The following USP35 variants were observed in gnomAD, a reference collection of about 807,000 sequenced individuals.
USP35 encodes the protein ubiquitin carboxyl-terminal hydrolase 35.
A neutral mutation model predicts 83.8 loss-of-function variants in USP35; 69 were observed. That is an observed-to-expected ratio of 0.82 (90% CI 0.68 to 1.01). The LOEUF is 1.01. Ranked by LOEUF, USP35 falls within the 50% of genes least tolerant of loss-of-function variation. USP35 has a pLI of 0.00. For synonymous variants in USP35, 714 were observed against 589.5 expected, an observed-to-expected ratio of 1.21 and a Z score of -3.06; for missense variants, 1,503 against 1,362.5, an observed-to-expected ratio of 1.10 and a Z score of -1.62.
At chr11:78,211,159 T>C (rs1195839773) in intron 10 of USP35, among the ~76,000 whole-genome samples, 26 of 148,682 alleles carry the variant, frequency 1.7e-4, no homozygotes, top group African/African-American at 5.7e-4. Flanking sequence ...GGTGTCCATG[T>C]ATTCTCATTG....
chr11:78,209,103 C>A, intron 9 of USP35, 140 bp downstream of exon 9: 1 of 888,398 alleles, frequency 1.1e-6, no homozygotes, highest in Non-Finnish European at 1.7e-6. Flanking sequence ...AAGGGGTGTG[C>A]TGGAAGGGCA....
At chr11:78,224,479 A>G in the USP35 span, among the ~76,000 whole-genome samples, 1 of 152,224 alleles carries the variant, frequency 6.6e-6, no homozygotes, top group Admixed American at 6.5e-5. Flanking sequence ...GGGACCACCA[A>G]GCTGCAGTCA....
In USP35 at chr11:78,210,714, C is replaced by T. The variant is rs1264419155; in HGVS notation, c.2859C>T (p.Ala953=). The change falls in exon 10 of 11, where the codon GCC becomes GCT. Residue 953 remains alanine (A), a synonymous_variant. Coordinates refer to ENST00000529308, the MANE Select transcript of USP35 (RefSeq NM_020798.4). Reference sequence around the variant, plus strand: ...CCCTGCACAAGGACTTGATGGAAGCCATTTCCAAAGACAACATCCTTTACC... The same window carrying T: ...CCCTGCACAAGGACTTGATGGAAGCTATTTCCAAAGACAACATCCTTTACC... ...EPTLHKDLME[A]ISKDNILYLQ... is the part of the protein sequence containing the mutation. 6.4e-7 allele frequency: 1 copy of T among 1,572,340 alleles called. No individual in the cohort carries two copies. The highest frequency in any genetic ancestry group is 1.4e-5 in the African/African-American group (1 of 73,504).
At chr11:78,204,316 C>T (rs987576058) in intron 6 of USP35, among the ~76,000 whole-genome samples, 3 of 152,192 alleles carry the variant, frequency 2.0e-5, no homozygotes, top group Admixed American at 1.3e-4. Flanking sequence ...AAAATTATTT[C>T]GCATGGGTTC....
chr11:78,234,596 A>G, the USP35 span, among the ~76,000 whole-genome samples: 3 of 148,102 alleles, frequency 2.0e-5, no homozygotes, highest in African/African-American at 7.3e-5. Flanking sequence ...TTATATATTT[A>G]AACTATTTTT....
chr11:78,207,584 C>G lies in USP35; in HGVS notation c.1446C>G (p.Thr482=), dbSNP rs763234129. 3.1e-6 allele frequency: 5 copies of G among 1,614,162 alleles called. No individual in the cohort carries two copies. The East Asian group carries it at 8.9e-5, about 29-fold the overall frequency. ...AGAACAACTCACAGCCCCTGATGAC[C>G]AAGCTGCAGTGGCTCTTTGGCTTCC... is the stretch of plus-strand genomic sequence containing the variant. The part of the protein sequence containing the change: ...LTENNSQPLM[T]KLQWLFGFLE... Residue 482 remains threonine (T), a synonymous_variant, in exon 8 of 11, where the codon ACC becomes ACG. Transcript: ENST00000529308.
At chr11:78,228,171 G>T in the USP35 span, among the ~76,000 whole-genome samples, 2 of 152,078 alleles carry the variant, frequency 1.3e-5, no homozygotes, top group African/African-American at 4.8e-5. Flanking sequence ...ATCTGGCCCC[G>T]ATGCTCTACA....
chr11:78,199,854 C>T, intron 4 of USP35, 130 bp downstream of exon 4: 1 of 1,408,840 alleles, frequency 7.1e-7, no homozygotes, highest in Admixed American at 1.9e-5. Context: ...GGCGAATTCA[C>T]TGCCCCTCTC....
intron 1 of USP35, among the ~76,000 whole-genome samples, chr11:78,189,878 G>A (rs1164869272): frequency 6.6e-6 from 1 of 152,226 alleles, no homozygotes; most frequent in Non-Finnish European, 1.5e-5. Context: ...TCCCGGAGTA[G>A]GGTGAAGCAC....
At chr11:78,222,440 C>A in the USP35 span, among the ~76,000 whole-genome samples, 45 of 151,078 alleles carry the variant, frequency 3.0e-4, no homozygotes, top group East Asian at 8.7e-3. Flanking sequence ...TTTTCAGAAT[C>A]AAAAGTGGGG....
In USP35 at chr11:78,210,144, C is replaced by G. The variant is rs1175958430; in HGVS notation, c.2289C>G (p.Asp763Glu). Residue 763 changes from aspartate to glutamate, a missense_variant, in exon 10 of 11, where the codon GAC (aspartate) becomes GAG (glutamate). Transcript: ENST00000529308. ...CGSEGSRSVL[D>E]LVNYFLSPEK... ...CTGAGGGCTCCCGCTCCGTCCTGGA[C>G]CTGGTTAACTACTTCCTGTCCCCCG... 6.2e-7 allele frequency: 1 copy of G among 1,613,636 alleles called. No homozygotes were observed. Among genetic ancestry groups the G allele is most frequent in the Admixed American group, 1.7e-5 (1 of 59,984 alleles).
chr11:78,210,851 C>T (rs1003699948), intron 10 of USP35, 107 bp downstream of exon 10: 173 of 1,233,140 alleles, frequency 1.4e-4, no homozygotes, highest in Non-Finnish European at 1.8e-4. Context: ...TTGTAAATCC[C>T]ATTCATCTGT....
the USP35 span, among the ~76,000 whole-genome samples, chr11:78,233,844 CCTCA>C: frequency 4.1e-4 from 63 of 152,296 alleles, no homozygotes; most frequent in Non-Finnish European, 8.5e-4. Flanking sequence ...GAACTCCTGG[CCTCA>C]AGTTATCTGC....
rs1376811828 is a variant in USP35, at chr11:78,196,845, G to C, written c.600G>C (p.Ala200=). ...CCCAGCAGGTGAGCGGGCTCCTGGC[G>C]CAGCTGTGGCGCGCACAGCCCGCCG... The part of the protein sequence containing the change: ...EQAQQVSGLL[A]QLWRAQPAAI... The change falls in exon 2 of 11, where the codon GCG becomes GCC. Residue 200 remains alanine, a synonymous_variant. Coordinates refer to ENST00000529308, the MANE Select transcript of USP35 (RefSeq NM_020798.4). This position sits in a 1 kb window ranked among gnomAD's most constrained non-coding sequence, Gnocchi z 4.8. 1 of 1,525,308 alleles carries C rather than the reference G, an allele frequency of 6.6e-7. No homozygotes were observed. Among genetic ancestry groups the C allele is most frequent in the Admixed American group, 2.0e-5 (1 of 49,496 alleles). 94.5% of individuals were successfully genotyped at this position (1,525,308 alleles called of 1,614,324 possible).
intron 5 of USP35, 69 bp downstream of exon 5, chr11:78,200,303 T>C: frequency 6.4e-7 from 1 of 1,551,796 alleles, no homozygotes; most frequent in Non-Finnish European, 8.9e-7. Context: ...CCCTGCCTAC[T>C]GCCCCTGGTA....
chr11:78,198,310 C>G (rs1216175280), intron 3 of USP35, among the ~76,000 whole-genome samples: 1 of 152,266 alleles, frequency 6.6e-6, no homozygotes, highest in Non-Finnish European at 1.5e-5. Context: ...CAGTGTGACC[C>G]TGGACATGCC....
intron 5 of USP35, 34 bp downstream of exon 5, chr11:78,200,268 CCCTG>C: frequency 2.5e-6 from 4 of 1,605,148 alleles, no homozygotes; most frequent in Non-Finnish European, 3.4e-6. Flanking sequence ...CTGGTGAGGC[CCCTG>C]CCTGCTGCCC....
the USP35 span, among the ~76,000 whole-genome samples, chr11:78,228,195 A>C: frequency 9.2e-5 from 14 of 152,300 alleles, no homozygotes; most frequent in South Asian, 1.5e-3. Flanking sequence ...CCTTCGTTTC[A>C]CAAGAGTGGT....
At chr11:78,218,552 G>A, downstream of USP35, 1 of 153,178 alleles carries the variant, frequency 6.5e-6, no homozygotes, top group Non-Finnish European at 1.5e-5. Context: ...CTCTAGGTTG[G>A]CCATCAGTTT....
Sources: allele counts gnomAD v4.1 joint callset (sites outside exome capture counted in the v4.1 genomes callset), GRCh38; gene constraint gnomAD v4.1.1; non-coding constraint Gnocchi (gnomAD v3.1); transcripts MANE v1.5; gene names NCBI Gene and HGNC (gene_info 2026-07-23, HGNC 2026-07-21).